Variants in PCLO observed in about 807,000 individuals in gnomAD.
PCLO encodes protein piccolo.
In PCLO, 82 loss-of-function variants were observed where a neutral mutation model predicts 427.5. That is an observed-to-expected ratio of 0.19 (90% CI 0.16 to 0.23). The LOEUF (loss-of-function observed/expected upper bound fraction) is 0.23. Among genes scored for constraint, PCLO ranks in the 10% least tolerant of loss-of-function variants. PCLO has a pLI of 1.00. For synonymous variants in PCLO, 2,357 were observed against 2,155.4 expected (o/e 1.09, Z -2.59); for missense variants, 6,239 against 6,115.9 (o/e 1.02, Z -0.67).
intron 6 of PCLO, among the ~76,000 whole-genome samples, chr7:82,943,787 G>C (rs926000712): frequency 2.0e-5 from 3 of 152,126 alleles, no homozygotes; most frequent in African/African-American, 7.2e-5. Context: ...AAAAATACTA[G>C]ATGGAAATAA....
At chr7:82,897,185 T>A (rs1231516530) in intron 9 of PCLO, among the ~76,000 whole-genome samples, 2 of 151,626 alleles carry the variant, frequency 1.3e-5, no homozygotes, top group African/African-American at 4.8e-5. Context: ...TATTTACAGA[T>A]GAACAAACTT....
chr7:82,953,132 T>A lies in PCLO; in HGVS notation c.7821A>T (p.Gly2607=), dbSNP rs752488299. 3.7e-6 allele frequency: 6 copies of A among 1,613,816 alleles called. No individual in the cohort carries two copies. Among genetic ancestry groups the A allele is most frequent in the Non-Finnish European group, 4.2e-6 (5 of 1,179,866 alleles). ...CAGAAACCAGATCTTTGGAGGGTGATCCCAAGGGCCAACTGGTAATTGCTT... is the reference window on the plus strand; with the variant it reads ...CAGAAACCAGATCTTTGGAGGGTGAACCCAAGGGCCAACTGGTAATTGCTT... ...ASQAITSWPL[G]SPSKDLVSVE... The change falls in exon 5 of 25, where the codon GGA becomes GGT. Residue 2607 remains glycine (G), a synonymous_variant. Transcript: ENST00000333891.
At chr7:82,906,252 A>G (rs1360825436) in intron 8 of PCLO, among the ~76,000 whole-genome samples, 1 of 152,060 alleles carries the variant, frequency 6.6e-6, no homozygotes, top group East Asian at 1.9e-4. Context: ...TAGTGTTTGC[A>G]TTAGTATTAT....
intron 3 of PCLO, among the ~76,000 whole-genome samples, chr7:82,996,514 G>A (rs572120262): frequency 1.1e-4 from 17 of 151,932 alleles, no homozygotes; most frequent in African/African-American, 3.4e-4. Context: ...CTACACTGCC[G>A]TCCAAACAAT....
At chr7:83,137,274 T>C (rs562050066) in intron 2 of PCLO, among the ~76,000 whole-genome samples, 3 of 152,320 alleles carry the variant, frequency 2.0e-5, no homozygotes, top group East Asian at 3.9e-4. Context: ...AAGGCTTATT[T>C]TGCACTCTCA....
At chr7:82,991,435 T>C (rs1796374381) in intron 3 of PCLO, among the ~76,000 whole-genome samples, 1 of 152,140 alleles carries the variant, frequency 6.6e-6, no homozygotes, top group African/African-American at 2.4e-5. Flanking sequence ...ATACCATGAA[T>C]ACTTACTGAC....
intron 3 of PCLO, among the ~76,000 whole-genome samples, chr7:82,996,468 C>G (rs539159807): frequency 9.1e-4 from 138 of 152,078 alleles, no homozygotes; most frequent in African/African-American, 3.1e-3. Context: ...GGCTTTCTAT[C>G]CAAATCCTTG....
chr7:82,864,521 A>G (rs1174125774), intron 10 of PCLO, among the ~76,000 whole-genome samples: 1 of 152,198 alleles, frequency 6.6e-6, no homozygotes, highest in Non-Finnish European at 1.5e-5. Flanking sequence ...TAATATTAAG[A>G]CATAAAAGGA....
chr7:82,927,560 T>C (rs1794741017), intron 6 of PCLO, among the ~76,000 whole-genome samples: 1 of 152,174 alleles, frequency 6.6e-6, no homozygotes, highest in African/African-American at 2.4e-5. Flanking sequence ...CAGGTTTCTT[T>C]ACTGATGATT....
At position 82,838,314 on chromosome 7, in the gene PCLO, A is replaced by G. The variant is rs751069732; in HGVS notation, c.14126T>C (p.Leu4709Pro). Residue 4709 changes from leucine (L) to proline (P), a missense_variant, in exon 15 of 25, where the codon CTC becomes CCC. Leu to Pro is a moderately conservative substitution (Grantham distance 98, BLOSUM62 -3). Coordinates refer to ENST00000333891, the MANE Select transcript of PCLO (RefSeq NM_033026.6). ...TCTTGCTTGGAGAATATGTATTATG[A>G]GATTTCCAAGATCATAGTTAATTTG... ...QLQINYDLGN[L>P]IIHILQARNL... 1 of 1,522,886 alleles carries G rather than the reference A, an allele frequency of 6.6e-7. No homozygotes were observed. The highest frequency in any genetic ancestry group is 1.8e-5 in the Admixed American group (1 of 54,786). 94.3% of individuals were successfully genotyped at this position (1,522,886 alleles called of 1,614,324 possible).
intron 4 of PCLO, among the ~76,000 whole-genome samples, chr7:82,959,798 T>G (rs1429791517): frequency 6.6e-6 from 1 of 151,382 alleles, no homozygotes; most frequent in Non-Finnish European, 1.5e-5. Flanking sequence ...TGATTTTTTT[T>G]CCCCTAAATA....
rs1554333552 is a variant in PCLO, at chr7:82,794,459, C to CTGTTTTTTTTTTTTTTTT, written c.15007+7058_15007+7059insAAAAAAAAAAAAAAAACA. Among the ~76,000 whole-genome samples the CTGTTTTTTTTTTTTTTTT allele has an allele frequency of 3.6e-3, 201 of 56,376 alleles. 50 individuals carry two copies. The highest frequency in any genetic ancestry group is 5.2e-3 in the Non-Finnish European group (126 of 24,450). 37.0% of individuals were successfully genotyped at this position (56,376 alleles called of 152,430 possible). On this transcript the variant is annotated intron_variant, in intron 22 of 24. Coordinates refer to ENST00000333891, the MANE Select transcript of PCLO (RefSeq NM_033026.6). ...ACATGCTAGTTCATAAATTTTTTTT[C>CTGTTTTTTTTTTTTTTTT]TTTTTTTTTTTTTTTTTTTTTTTTT...
At chr7:82,797,170 A>AT (rs893689473) in intron 22 of PCLO, among the ~76,000 whole-genome samples, 1 of 152,042 alleles carries the variant, frequency 6.6e-6, no homozygotes, top group Non-Finnish European at 1.5e-5. Context: ...ACTAAATTGG[A>AT]TTTTATAAAG....
intron 3 of PCLO, among the ~76,000 whole-genome samples, chr7:83,005,756 AGCTGGG>A: frequency 6.6e-6 from 1 of 151,780 alleles, no homozygotes; most frequent in Non-Finnish European, 1.5e-5. Context: ...TGCCTTAAAA[AGCTGGG>A]TTAGGGGAAG....
At chr7:83,092,105 A>T (rs1372177290) in intron 3 of PCLO, among the ~76,000 whole-genome samples, 1 of 152,140 alleles carries the variant, frequency 6.6e-6, no homozygotes, top group African/African-American at 2.4e-5. Flanking sequence ...AACTTAGGAA[A>T]CTCCAATGGA....
chr7:83,108,665 A>G (rs1790927560), intron 3 of PCLO, among the ~76,000 whole-genome samples: 2 of 152,066 alleles, frequency 1.3e-5, no homozygotes, highest in African/African-American at 4.8e-5. Flanking sequence ...ATTTTTGATG[A>G]GCTACTTTGA....
intron 6 of PCLO, among the ~76,000 whole-genome samples, chr7:82,933,596 TAAGAAATG>T (rs1794885849): frequency 7.1e-6 from 1 of 140,618 alleles, no homozygotes. Flanking sequence ...TCCTGATATA[TAAGAAATG>T]AAGAAATGCT....
chr7:82,853,814 C>T (rs1792730661), intron 10 of PCLO, among the ~76,000 whole-genome samples: 1 of 152,090 alleles, frequency 6.6e-6, no homozygotes, highest in African/African-American at 2.4e-5. Flanking sequence ...CCTCCTTCAT[C>T]CTTGACTCCC....
chr7:83,043,912 C>CTTTTTTTTTTTTTTTGTTTT (rs1789034328), intron 3 of PCLO, among the ~76,000 whole-genome samples: 1 of 94,910 alleles, frequency 1.1e-5, no homozygotes, highest in Non-Finnish European at 2.0e-5. Flanking sequence ...CTATTATTTT[C>CTTTTTTTTTTTTTTTGTTTT]TTTTTTTTTT....
Sources: allele counts gnomAD v4.1 joint callset (sites outside exome capture counted in the v4.1 genomes callset), GRCh38; gene constraint gnomAD v4.1.1; transcripts MANE v1.5; gene names NCBI Gene and HGNC (gene_info 2026-07-23, HGNC 2026-07-21).